Variants in NCOA2 observed in about 807,000 individuals in gnomAD.
The protein encoded by NCOA2 is nuclear receptor coactivator 2, also known as class E basic helix-loop-helix protein 75.
NCOA2 carries 21 observed loss-of-function variants against 145.1 expected under a neutral mutation model. That is an observed-to-expected ratio of 0.14 (90% CI 0.10 to 0.21). NCOA2 has a LOEUF of 0.21. NCOA2 is among the 10% of genes least tolerant of loss of function. The pLI is 1.00. For missense variants in NCOA2, 1,472 were observed against 1,837.6 expected (o/e 0.80, Z 3.64); for synonymous variants, 619 against 637.5 (o/e 0.97, Z 0.44).
chr8:70,318,748 G>C (rs1338477424), intron 1 of NCOA2, among the ~76,000 whole-genome samples: 6 of 152,092 alleles, frequency 3.9e-5, no homozygotes, highest in East Asian at 1.9e-4. Flanking sequence ...GGGTGACAGA[G>C]GGAGACCCTG....
At chr8:70,388,504 T>C (rs1310793498) in intron 1 of NCOA2, among the ~76,000 whole-genome samples, 1 of 152,200 alleles carries the variant, frequency 6.6e-6, no homozygotes, top group Non-Finnish European at 1.5e-5. Flanking sequence ...CCCTCCACTC[T>C]AATACAATTT....
At chr8:70,263,235 G>A (rs1488862039) in intron 2 of NCOA2, among the ~76,000 whole-genome samples, 1 of 148,278 alleles carries the variant, frequency 6.7e-6, no homozygotes, top group African/African-American at 2.5e-5. Flanking sequence ...CACATAGAGT[G>A]TGGAGATGAG....
At chr8:70,434,752 T>G in the NCOA2 span, among the ~76,000 whole-genome samples, 1 of 152,056 alleles carries the variant, frequency 6.6e-6, no homozygotes, top group Non-Finnish European at 1.5e-5. Context: ...AAAATTTTCA[T>G]AAAGATAGGG....
At chr8:70,366,140 T>C (rs1810666804) in intron 1 of NCOA2, among the ~76,000 whole-genome samples, 1 of 152,138 alleles carries the variant, frequency 6.6e-6, no homozygotes, top group East Asian at 1.9e-4. Flanking sequence ...AAGACCAATT[T>C]CGGGCACCCA....
At chr8:70,124,637 T>C (rs370103492) in intron 20 of NCOA2, 51 bp downstream of exon 20, 4 of 1,508,964 alleles carry the variant, frequency 2.7e-6, no homozygotes, top group Admixed American at 2.1e-5. Context: ...GTGGGGGATG[T>C]CCTTCAGCTG....
intron 1 of NCOA2, among the ~76,000 whole-genome samples, chr8:70,305,336 T>C (rs778738279): frequency 6.6e-6 from 1 of 152,108 alleles, no homozygotes; most frequent in Non-Finnish European, 1.5e-5. Flanking sequence ...TCAATTCTCA[T>C]CTCCTACAGA....
chr8:70,357,003 G>C (rs757778811), intron 1 of NCOA2, among the ~76,000 whole-genome samples: 1 of 152,102 alleles, frequency 6.6e-6, no homozygotes, highest in African/African-American at 2.4e-5. Flanking sequence ...AGTTCTTTGA[G>C]GGTAGCTTCT....
upstream of NCOA2, among the ~76,000 whole-genome samples, chr8:70,407,283 A>T (rs1476144908): frequency 6.6e-6 from 1 of 152,264 alleles, no homozygotes; most frequent in Admixed American, 6.5e-5. Context: ...TATAACTACA[A>T]TAAACAAATG....
In NCOA2 at chr8:70,113,565, C is replaced by T; in HGVS notation, c.*67G>A. On this transcript the variant is annotated 3_prime_UTR_variant, in exon 23 of 23. Coordinates refer to ENST00000452400, the MANE Select transcript of NCOA2 (RefSeq NM_006540.4). The stretch of plus-strand genomic sequence containing the variant: ...TGGGTTGAAACAAATAGACACAGCT[C>T]TCCAGACTGGAAGTGTTTTGAGCAA... 6.5e-7 allele frequency: 1 copy of T among 1,528,424 alleles called. No homozygotes were observed. The highest frequency in any genetic ancestry group is 8.9e-7 in the Non-Finnish European group (1 of 1,126,072). 94.7% of individuals were successfully genotyped at this position (1,528,424 alleles called of 1,614,324 possible). A position where few individuals can be genotyped will look rare whatever the true frequency, so the allele number is the denominator to read the frequency against.
At chr8:70,323,283 A>G (rs1338601694) in intron 1 of NCOA2, among the ~76,000 whole-genome samples, 1 of 152,242 alleles carries the variant, frequency 6.6e-6, no homozygotes, top group Non-Finnish European at 1.5e-5. Context: ...AGTTTAAAAG[A>G]AAATGTAGTA....
intron 2 of NCOA2, among the ~76,000 whole-genome samples, chr8:70,254,480 C>T (rs1823466830): frequency 6.6e-6 from 1 of 152,170 alleles, no homozygotes; most frequent in Non-Finnish European, 1.5e-5. Context: ...TGTCCATTGA[C>T]AGACGAATAA....
chr8:70,151,801 GT>G (rs1309034756), intron 11 of NCOA2, among the ~76,000 whole-genome samples: 1 of 152,056 alleles, frequency 6.6e-6, no homozygotes, highest in Non-Finnish European at 1.5e-5. Flanking sequence ...ATTAATTGTC[GT>G]AAGTTCACTT....
chr8:70,176,248 TATC>T (rs1342550533), intron 4 of NCOA2, among the ~76,000 whole-genome samples: 1 of 152,232 alleles, frequency 6.6e-6, no homozygotes, highest in African/African-American at 2.4e-5. Context: ...CTGCAGAGCT[TATC>T]ATAAGCAGAC....
At chr8:70,450,295 T>C in the NCOA2 span, among the ~76,000 whole-genome samples, 1 of 152,240 alleles carries the variant, frequency 6.6e-6, no homozygotes, top group Non-Finnish European at 1.5e-5. Flanking sequence ...GATTAGGTCA[T>C]GATGGCTCCA....
intron 11 of NCOA2, among the ~76,000 whole-genome samples, chr8:70,149,904 T>C (rs1191195126): frequency 6.6e-6 from 1 of 152,218 alleles, no homozygotes; most frequent in Non-Finnish European, 1.5e-5. Flanking sequence ...ATACATGGCA[T>C]ACATCTAATA....
the NCOA2 span, among the ~76,000 whole-genome samples, chr8:70,445,359 T>A: frequency 6.6e-6 from 1 of 152,334 alleles, no homozygotes; most frequent in African/African-American, 2.4e-5. Context: ...TTTCCCTTAA[T>A]AAAGAATTTC....
chr8:70,316,600 GA>G (rs981708001), intron 1 of NCOA2, among the ~76,000 whole-genome samples: 60 of 150,970 alleles, frequency 4.0e-4, no homozygotes, highest in Middle Eastern at 3.4e-3. Context: ...AACCAAACTG[GA>G]ATTACTCATG....
chr8:70,354,306 T>C (rs578241987), intron 1 of NCOA2, among the ~76,000 whole-genome samples: 4 of 152,342 alleles, frequency 2.6e-5, no homozygotes, highest in African/African-American at 7.2e-5. Flanking sequence ...CTGAACTTTA[T>C]AACGATTTAT....
upstream of NCOA2, among the ~76,000 whole-genome samples, chr8:70,408,794 A>ATT (rs1200870531): frequency 1.1e-4 from 10 of 87,086 alleles, no homozygotes; most frequent in African/African-American, 2.4e-4. Flanking sequence ...TTTTTTTTGG[A>ATT]TTTTTTTTTT....
Sources: gnomAD v4.1 joint callset for allele counts (sites outside exome capture counted in the v4.1 genomes callset) on GRCh38, gnomAD v4.1.1 for gene constraint, MANE v1.5 for transcripts, NCBI Gene and HGNC (gene_info 2026-07-23, HGNC 2026-07-21) for gene names.